METTL15: variants seen among roughly 807,000 people sequenced by gnomAD.
METTL15 encodes methyltransferase 15, mitochondrial 12S rRNA N4-cytidine.
A neutral mutation model predicts 38.3 loss-of-function variants in METTL15; 34 were observed. That is an observed-to-expected ratio of 0.89 (90% CI 0.68 to 1.18). METTL15 has a LOEUF of 1.18. METTL15 is among the 50% of genes most tolerant of loss of function. The pLI is 0.00. For missense variants in METTL15, 438 were observed against 498.4 expected (o/e 0.88, Z 1.15); for synonymous variants, 162 against 170.9 (o/e 0.95, Z 0.41).
chr11:28,276,361 A>T (rs1855842728), intron 4 of METTL15, among the ~76,000 whole-genome samples: 1 of 152,118 alleles, frequency 6.6e-6, no homozygotes, highest in South Asian at 2.1e-4. Flanking sequence ...ATAAAAATAT[A>T]AATACTTAGG....
intron 3 of METTL15, among the ~76,000 whole-genome samples, chr11:28,127,042 T>G (rs1590766318): frequency 6.6e-6 from 1 of 151,980 alleles, no homozygotes; most frequent in East Asian, 1.9e-4. Context: ...AATGAAAGAT[T>G]GTAAGCAAGC....
intron 6 of METTL15, among the ~76,000 whole-genome samples, chr11:28,310,374 A>ACACG (rs1321799112): frequency 2.0e-5 from 3 of 151,808 alleles, no homozygotes; most frequent in Non-Finnish European, 4.4e-5. Flanking sequence ...ACACACACAC[A>ACACG]CACGCACGCA....
rs908088685 is a variant in METTL15 at position 28,295,137 on chromosome 11, A to G, written c.600-1616A>G. Among the ~76,000 whole-genome samples the G allele has an allele frequency of 3.2e-4, 49 of 152,136 alleles. 1 individual carries two copies. Among genetic ancestry groups the G allele is most frequent in the Non-Finnish European group, 5.9e-5 (4 of 68,008 alleles). ...TGCCTTGCAAATTTATGAATGGGGA[A>G]GATCTAAAGGACAGTGGCATGCATT... is the stretch of plus-strand genomic sequence containing the variant. On this transcript the variant is annotated intron_variant, in intron 5 of 6. Transcript: ENST00000407364.
At chr11:28,489,053 A>G (rs1323761462) in intron 6 of METTL15, among the ~76,000 whole-genome samples, 1 of 152,130 alleles carries the variant, frequency 6.6e-6, no homozygotes, top group Non-Finnish European at 1.5e-5. Flanking sequence ...CTGAGCCTTA[A>G]TGAAGTCTCT....
At chr11:28,143,029 T>C (rs1314118722) in intron 3 of METTL15, among the ~76,000 whole-genome samples, 1 of 151,990 alleles carries the variant, frequency 6.6e-6, no homozygotes, top group Non-Finnish European at 1.5e-5. Flanking sequence ...AAGAGCTAGA[T>C]ATGGTAAGTG....
chr11:28,442,744 G>A (rs1018197557), intron 6 of METTL15, among the ~76,000 whole-genome samples: 2 of 152,128 alleles, frequency 1.3e-5, no homozygotes, highest in Non-Finnish European at 1.5e-5. Flanking sequence ...TTTTCATTAT[G>A]TACACTATTC....
chr11:28,446,121 C>T (rs1416516378), intron 6 of METTL15, among the ~76,000 whole-genome samples: 1 of 152,120 alleles, frequency 6.6e-6, no homozygotes, highest in Non-Finnish European at 1.5e-5. Flanking sequence ...CATCTGTAAC[C>T]ACTGGACATA....
intron 3 of METTL15, among the ~76,000 whole-genome samples, chr11:28,146,311 T>A (rs1849884063): frequency 6.6e-6 from 1 of 151,974 alleles, no homozygotes; most frequent in African/African-American, 2.4e-5. Flanking sequence ...AAAGTTTTGG[T>A]AGATGAGTCA....
intron 6 of METTL15, among the ~76,000 whole-genome samples, chr11:28,424,693 G>T (rs934045017): frequency 2.6e-5 from 4 of 152,172 alleles, no homozygotes; most frequent in Admixed American, 2.0e-4. Context: ...TGTTGGGAGA[G>T]AGCCATTAGG....
chr11:28,525,038 T>A (rs1289237349), intron 6 of METTL15, among the ~76,000 whole-genome samples: 1 of 150,828 alleles, frequency 6.6e-6, no homozygotes, highest in African/African-American at 2.4e-5. Context: ...GCGTCTGGAG[T>A]TGCTCGTTCC....
exon 8 of METTL15, chr11:28,526,695 T>G (rs1326151446): frequency 2.6e-5 from 4 of 152,254 alleles, no homozygotes; most frequent in African/African-American, 9.6e-5. Context: ...CAAAGCCTGC[T>G]GATATCTTGA....
chr11:28,336,130 T>G (rs979889038), downstream of METTL15, among the ~76,000 whole-genome samples: 2 of 152,178 alleles, frequency 1.3e-5, no homozygotes, highest in African/African-American at 4.8e-5. Context: ...ATAGTCTGTT[T>G]TATTATTTGG....
At chr11:28,287,930 C>G (rs981589590) in intron 4 of METTL15, among the ~76,000 whole-genome samples, 1 of 140,774 alleles carries the variant, frequency 7.1e-6, no homozygotes, top group African/African-American at 2.9e-5. Context: ...TTTGCAGTCT[C>G]TTCCTGAGTG....
chr11:28,503,663 C>T (rs964679471), intron 6 of METTL15, among the ~76,000 whole-genome samples: 2 of 151,870 alleles, frequency 1.3e-5, no homozygotes, highest in African/African-American at 4.8e-5. Context: ...TGGTGGCACG[C>T]ACCTGTAATC....
intron 1 of METTL15, among the ~76,000 whole-genome samples, chr11:28,109,640 A>T (rs1851632629): frequency 6.6e-6 from 1 of 152,214 alleles, no homozygotes; most frequent in Non-Finnish European, 1.5e-5. Flanking sequence ...ATCCAGTCTG[A>T]AAATATGCAT....
chr11:28,465,043 C>G (rs939814364), intron 6 of METTL15, among the ~76,000 whole-genome samples: 2 of 152,192 alleles, frequency 1.3e-5, no homozygotes, highest in African/African-American at 4.8e-5. Context: ...TGATCTGGAT[C>G]CTACCTTCAC....
At chr11:28,220,969 C>T (rs919377925) in intron 4 of METTL15, among the ~76,000 whole-genome samples, 4 of 152,114 alleles carry the variant, frequency 2.6e-5, no homozygotes, top group African/African-American at 9.7e-5. Context: ...GGTAACCGGA[C>T]CTTTCTCTCT....
intron 6 of METTL15, among the ~76,000 whole-genome samples, chr11:28,325,812 G>A (rs546619277): frequency 6.6e-6 from 1 of 152,156 alleles, no homozygotes; most frequent in Non-Finnish European, 1.5e-5. Context: ...GGATATAAGA[G>A]TGAACGCGAA....
intron 3 of METTL15, among the ~76,000 whole-genome samples, chr11:28,143,958 A>G (rs1249101978): frequency 6.6e-6 from 1 of 152,106 alleles, no homozygotes; most frequent in African/African-American, 2.4e-5. Flanking sequence ...GCCTTTTTTG[A>G]CATTTCATTT....
Sources: allele counts gnomAD v4.1 joint callset (sites outside exome capture counted in the v4.1 genomes callset), GRCh38; gene constraint gnomAD v4.1.1; transcripts MANE v1.5; gene names NCBI Gene and HGNC (gene_info 2026-07-23, HGNC 2026-07-21).